Variants in COLGALT1 observed in about 807,000 individuals in gnomAD.
COLGALT1 encodes collagen beta(1-O)galactosyltransferase 1, also known as procollagen galactosyltransferase 1.
COLGALT1 carries 43 observed loss-of-function variants against 60.8 expected under a neutral mutation model. The observed-to-expected ratio is 0.71, with a 90% CI of 0.55 to 0.91. COLGALT1 has a LOEUF of 0.91. Ranked by LOEUF, COLGALT1 falls within the 40% of genes least tolerant of loss-of-function variation. The pLI is 0.00. For missense variants in COLGALT1, 845 were observed against 880.0 expected (o/e 0.96, Z 0.50); for synonymous variants, 369 against 374.2 (o/e 0.99, Z 0.16).
intron 8 of COLGALT1, among the ~76,000 whole-genome samples, chr19:17,577,703 G>T (rs943901611): frequency 1.3e-5 from 2 of 152,114 alleles, no homozygotes; most frequent in African/African-American, 4.8e-5. Context: ...GGGTAGGTTT[G>T]CATGCTGCCA....
intron 6 of COLGALT1, among the ~76,000 whole-genome samples, chr19:17,572,968 C>G (rs982842664): frequency 5.3e-5 from 8 of 152,056 alleles, no homozygotes; most frequent in Non-Finnish European, 1.0e-4. Context: ...GTCAGTGATC[C>G]CCTGGGGCTG....
chr19:17,567,456 C>G lies in COLGALT1; in HGVS notation c.540C>G (p.Leu180=). The change falls in exon 4 of 12, where the codon CTC becomes CTG. Residue 180 remains leucine (L), a synonymous_variant. Coordinates refer to ENST00000252599, the MANE Select transcript of COLGALT1 (RefSeq NM_024656.4). ...TCAACCCTGACACACTGAGCCTGCT[C>G]ATCGCTGAGAACAAGACGGTGGTCG... The part of the protein sequence containing the change: ...LILNPDTLSL[L]IAENKTVVAP... 1 of 1,614,120 alleles carries G rather than the reference C, an allele frequency of 6.2e-7. No homozygotes were observed. Among genetic ancestry groups the G allele is most frequent in the Non-Finnish European group, 8.5e-7 (1 of 1,179,970 alleles).
intron 3 of COLGALT1, among the ~76,000 whole-genome samples, chr19:17,567,114 CA>C (rs1004955907): frequency 5.0e-4 from 72 of 142,610 alleles, no homozygotes; most frequent in African/African-American, 1.3e-3. Context: ...GACTCCGTCT[CA>C]AAAAAAAAAA....
At chr19:17,571,304 C>G (rs1199805890) in intron 5 of COLGALT1, among the ~76,000 whole-genome samples, 1 of 151,974 alleles carries the variant, frequency 6.6e-6, no homozygotes, top group African/African-American at 2.4e-5. Context: ...GTAGTCCCAG[C>G]TACTTGGGAG....
Position 17,577,137 on chromosome 19 carries a change from T to C in COLGALT1, c.950-58T>C. Reference sequence around the variant, plus strand: ...CCATGGAGTGGGTGGGGAAAGCGTGTTGGAGAGAGGCTGGAGGCTCCTTAC... The same window carrying C: ...CCATGGAGTGGGTGGGGAAAGCGTGCTGGAGAGAGGCTGGAGGCTCCTTAC... On this transcript the variant is annotated intron_variant, in intron 6 of 11. Coordinates refer to ENST00000252599, the MANE Select transcript of COLGALT1 (RefSeq NM_024656.4). The C allele has an allele frequency of 3.2e-6, 5 of 1,561,308 alleles. No homozygotes were observed. In the South Asian group the frequency reaches 4.5e-5, roughly 14 times the overall value.
intron 3 of COLGALT1, among the ~76,000 whole-genome samples, chr19:17,564,269 G>A (rs894966832): frequency 3.3e-5 from 5 of 151,318 alleles, no homozygotes; most frequent in African/African-American, 1.2e-4. Flanking sequence ...ATGTGTATGT[G>A]TGTGTGTATG....
In COLGALT1 at chr19:17,580,889, T is replaced by G. The variant is rs1420092002; in HGVS notation, c.1585T>G (p.Phe529Val). The G allele has an allele frequency of 1.9e-6, 3 of 1,613,868 alleles. No individual in the cohort carries two copies. The highest frequency in any genetic ancestry group is 1.3e-5 in the African/African-American group (1 of 74,966). ...LPVDEFLPVMFDKHPVSEYKA... is the reference protein window; with the variant it reads ...LPVDEFLPVMVDKHPVSEYKA... ...TGTGGACGAGTTCCTGCCCGTCATG[T>G]TCGACAAACACCCAGTGTGAGAGGG... Residue 529 changes from phenylalanine (F) to valine (V), a missense_variant, in exon 11 of 12, where the codon TTC becomes GTC. Phe to Val is a conservative substitution (Grantham distance 50). Coordinates refer to ENST00000252599, the MANE Select transcript of COLGALT1 (RefSeq NM_024656.4).
chr19:17,561,633 A>G (rs951035208), intron 3 of COLGALT1, among the ~76,000 whole-genome samples: 1 of 21,202 alleles, frequency 4.7e-5, no homozygotes, highest in East Asian at 6.7e-4. Context: ...CTCTGTCTCA[A>G]AAAAAAAAAA....
At position 17,581,430 on chromosome 19, in the gene COLGALT1, C is replaced by G. The variant is rs544405232; in HGVS notation, c.1855C>G (p.Arg619Gly). 1 of 1,608,586 alleles carries G rather than the reference C, an allele frequency of 6.2e-7. No homozygotes were observed. The highest frequency in any genetic ancestry group is 8.5e-7 in the Non-Finnish European group (1 of 1,179,476). Reference sequence around the variant, plus strand: ...CCAGTCCCCACTGGACAGTGCTGCCCGGGATGAACTCTGAGGGGTAGCAGC... The same window carrying G: ...CCAGTCCCCACTGGACAGTGCTGCCGGGGATGAACTCTGAGGGGTAGCAGC... Reference protein sequence around the residue: ...VLQSPLDSAARDEL With the variant: ...VLQSPLDSAAGDEL The change falls in exon 12 of 12, where the codon CGG (arginine) becomes GGG (glycine). Residue 619 changes from arginine to glycine, a missense_variant. Physicochemically the swap from Arg to Gly is moderately radical, Grantham distance 125 (BLOSUM62 -2). Transcript: ENST00000252599.
intron 8 of COLGALT1, 21 bp downstream of exon 8, chr19:17,577,488 TG>T (rs757772519): frequency 2.3e-4 from 4 of 17,092 alleles, no homozygotes; most frequent in Non-Finnish European, 3.1e-4. Context: ...GGCCTGGGGG[TG>T]GGGGGGCGGG....
intron 4 of COLGALT1, 98 bp from the exon 5 acceptor site, chr19:17,568,411 G>C: frequency 9.5e-7 from 1 of 1,051,346 alleles, no homozygotes; most frequent in Non-Finnish European, 1.5e-6. Flanking sequence ...TGCTGTGCCT[G>C]GCTGTCTGTC....
rs183559615 is a variant in COLGALT1 at position 17,582,058 on chromosome 19, G to A, written c.*614G>A. The stretch of plus-strand genomic sequence containing the variant: ...CAAGTAGCTGGGACTATAGGTGCGT[G>A]CCATCACATCTGGCTAGTTTTTGTA... On this transcript the variant is annotated 3_prime_UTR_variant, in exon 12 of 12. Transcript: ENST00000252599. 848 of 154,004 alleles carry A rather than the reference G, an allele frequency of 5.5e-3. 6 individuals carry two copies. The highest frequency in any genetic ancestry group is 9.8e-3 in the Non-Finnish European group (676 of 69,212). 9.5% of individuals were successfully genotyped at this position (154,004 alleles called of 1,614,324 possible). A position where few individuals can be genotyped will look rare whatever the true frequency, so the allele number is the denominator to read the frequency against.
At chr19:17,559,258 C>T (rs1430688646) in intron 1 of COLGALT1, 53 bp from the exon 2 acceptor site, 10 of 1,353,798 alleles carry the variant, frequency 7.4e-6, no homozygotes, top group Non-Finnish European at 1.0e-5. Context: ...CTCACTGCTG[C>T]CTGGTCCTGC....
In COLGALT1 at chr19:17,572,559, G is replaced by A. The variant is rs1428208224; in HGVS notation, c.906G>A (p.Gln302=). ...CATTGCGCGCCCACAGCACCCTCCA[G>A]GATGAGGCCGAGAGCTTCATGCATG... is the stretch of plus-strand genomic sequence containing the variant. ...PVPLRAHSTL[Q]DEAESFMHVQ... is the part of the protein sequence containing the mutation. The change falls in exon 6 of 12, where the codon CAG becomes CAA. Residue 302 remains glutamine (Q), a synonymous_variant. Transcript: ENST00000252599. The A allele has an allele frequency of 6.2e-7, 1 of 1,614,170 alleles. No individual in the cohort carries two copies. The highest frequency in any genetic ancestry group is 8.5e-7 in the Non-Finnish European group (1 of 1,180,034).
At position 17,580,738 on chromosome 19, in the gene COLGALT1, G is replaced by C; in HGVS notation, c.1434G>C (p.Glu478Asp). 6.2e-7 allele frequency: 1 copy of C among 1,614,060 alleles called. No individual in the cohort carries two copies. The highest frequency in any genetic ancestry group is 8.5e-7 in the Non-Finnish European group (1 of 1,180,010). The change falls in exon 11 of 12, where the codon GAG becomes GAC. Residue 478 changes from glutamate (E) to aspartate (D), a missense_variant. Transcript: ENST00000252599. ...GRKRMQVEHPEKAVPRVRNLV... is the reference protein window; with the variant it reads ...GRKRMQVEHPDKAVPRVRNLV... ...AGCGGATGCAGGTGGAGCACCCCGA[G>C]AAGGCTGTGCCTCGCGTGAGGAACC...
At chr19:17,578,199 C>A in intron 9 of COLGALT1, 110 bp downstream of exon 9, 1 of 1,291,300 alleles carries the variant, frequency 7.7e-7, no homozygotes, top group Non-Finnish European at 1.0e-6. Flanking sequence ...AGGCATCCAG[C>A]CTCAGCCATG....
chr19:17,573,460 C>T (rs1039285378), intron 6 of COLGALT1, among the ~76,000 whole-genome samples: 5 of 151,708 alleles, frequency 3.3e-5, no homozygotes, highest in African/African-American at 7.3e-5. Flanking sequence ...ACCTGGGAGG[C>T]GGAGGTTGCA....
intron 5 of COLGALT1, among the ~76,000 whole-genome samples, chr19:17,570,288 G>A (rs984846973): frequency 6.6e-6 from 1 of 152,074 alleles, no homozygotes; most frequent in Non-Finnish European, 1.5e-5. Context: ...CACCCAGCCT[G>A]GAGTGCAGTG....
chr19:17,573,014 G>C (rs1261047732), intron 6 of COLGALT1, among the ~76,000 whole-genome samples: 1 of 152,158 alleles, frequency 6.6e-6, no homozygotes, highest in Non-Finnish European at 1.5e-5. Context: ...TCAGAGACCA[G>C]GCTGAGGAAG....
Sources: gnomAD v4.1 joint callset for allele counts (sites outside exome capture counted in the v4.1 genomes callset) on GRCh38, gnomAD v4.1.1 for gene constraint, MANE v1.5 for transcripts, NCBI Gene and HGNC (gene_info 2026-07-23, HGNC 2026-07-21) for gene names.